SPOCK3: variants seen among roughly 807,000 people sequenced by gnomAD.
SPOCK3 encodes the protein testican-3.
In SPOCK3, 30 loss-of-function variants were observed where a neutral mutation model predicts 56.6. That is an observed-to-expected ratio of 0.53 (90% confidence interval 0.40 to 0.72). The LOEUF (loss-of-function observed/expected upper bound fraction) is 0.72. Ranked by LOEUF, SPOCK3 falls within the 30% of genes least tolerant of loss-of-function variation. SPOCK3 has a pLI of 0.00. For synonymous variants in SPOCK3, 196 were observed against 183.3 expected (o/e 1.07, Z -0.56); for missense variants, 527 against 530.0 (o/e 0.99, Z 0.06).
At chr4:166,898,309 G>A (rs899582715) in intron 5 of SPOCK3, among the ~76,000 whole-genome samples, 1 of 152,078 alleles carries the variant, frequency 6.6e-6, no homozygotes, top group Non-Finnish European at 1.5e-5. Context: ...GGGGAGGAAG[G>A]GTTGTTATCT....
intron 2 of SPOCK3, among the ~76,000 whole-genome samples, chr4:167,151,055 T>C (rs1467717573): frequency 1.3e-5 from 2 of 152,136 alleles, no homozygotes; most frequent in Non-Finnish European, 2.9e-5. Context: ...ATGACACATG[T>C]TGATGTTTAC....
At chr4:167,086,824 C>A (rs139460074) in intron 2 of SPOCK3, among the ~76,000 whole-genome samples, 1 of 152,028 alleles carries the variant, frequency 6.6e-6, no homozygotes, top group Non-Finnish European at 1.5e-5. Flanking sequence ...TTTAGCACAA[C>A]GCACAAAACA....
intron 2 of SPOCK3, among the ~76,000 whole-genome samples, chr4:167,112,279 TAG>T (rs1441242451): frequency 1.3e-5 from 2 of 152,228 alleles, no homozygotes; most frequent in African/African-American, 4.8e-5. Context: ...ACTTTAAAAA[TAG>T]AGCAAAGTGT....
At chr4:167,099,686 A>G (rs1759462145) in intron 2 of SPOCK3, among the ~76,000 whole-genome samples, 1 of 152,140 alleles carries the variant, frequency 6.6e-6, no homozygotes, top group Non-Finnish European at 1.5e-5. Flanking sequence ...CATAAGCAGT[A>G]GTTATTTAAA....
intron 2 of SPOCK3, among the ~76,000 whole-genome samples, chr4:167,222,523 A>ATG (rs1736038799): frequency 3.5e-5 from 5 of 143,512 alleles, no homozygotes; most frequent in African/African-American, 7.6e-5. Context: ...AATATATAAC[A>ATG]TGTATGTTAT....
At chr4:167,217,085 G>T (rs1451097924) in intron 2 of SPOCK3, among the ~76,000 whole-genome samples, 1 of 151,762 alleles carries the variant, frequency 6.6e-6, no homozygotes, top group East Asian at 1.9e-4. Flanking sequence ...GTTAAACACG[G>T]TGAAAAAAAA....
chr4:166,906,352 T>C (rs780291078), intron 5 of SPOCK3, among the ~76,000 whole-genome samples: 33 of 152,018 alleles, frequency 2.2e-4, no homozygotes, highest in Non-Finnish European at 4.6e-4. Context: ...AAATTTTGTG[T>C]AGAAACGGGT....
chr4:166,745,034 G>A (rs1036520544), intron 8 of SPOCK3, among the ~76,000 whole-genome samples: 3 of 152,140 alleles, frequency 2.0e-5, no homozygotes, highest in Admixed American at 1.3e-4. Context: ...AAAGTGATGG[G>A]GAGAATGGAA....
chr4:167,040,757 T>C (rs1168925703), intron 3 of SPOCK3, among the ~76,000 whole-genome samples: 2 of 152,188 alleles, frequency 1.3e-5, no homozygotes, highest in Non-Finnish European at 2.9e-5. Context: ...CATTCAAAGA[T>C]ACAATTATTA....
intron 2 of SPOCK3, among the ~76,000 whole-genome samples, chr4:167,073,291 A>G (rs956396091): frequency 6.6e-6 from 1 of 151,764 alleles, no homozygotes; most frequent in East Asian, 1.9e-4. Flanking sequence ...TGTTAAATGC[A>G]TGTCCGTCTG....
intron 6 of SPOCK3, among the ~76,000 whole-genome samples, chr4:166,862,443 TGA>T (rs1401320711): frequency 3.3e-5 from 5 of 152,098 alleles, no homozygotes; most frequent in African/African-American, 1.2e-4. Context: ...GACATGACAT[TGA>T]GAGAGTATAA....
intron 2 of SPOCK3, among the ~76,000 whole-genome samples, chr4:167,134,022 C>CTTT (rs34410893): frequency 1.5e-3 from 123 of 80,548 alleles, no homozygotes; most frequent in African/African-American, 2.5e-3. Flanking sequence ...ACACCTTTTT[C>CTTT]TTTTTTTTTT....
Position 167,140,788 on chromosome 4 carries a change from T to G in SPOCK3, c.190-78251A>C, listed in dbSNP as rs141854220. On this transcript the variant is annotated intron_variant, in intron 2 of 10. Coordinates refer to ENST00000357545, the MANE Select transcript of SPOCK3 (RefSeq NM_001040159.2). The stretch of plus-strand genomic sequence containing the variant: ...CAGCCCACGGTCTGTTCTTTGGGCT[T>G]ATTTATTTTCCCTGAAAATTGTTTG... 2.4e-3 allele frequency among the ~76,000 whole-genome samples: 360 copies of G among 152,010 alleles called. 4 individuals carry two copies. The highest frequency in any genetic ancestry group is 8.3e-3 in the African/African-American group (344 of 41,506).
chr4:166,884,770 T>C (rs1165503952), intron 6 of SPOCK3, among the ~76,000 whole-genome samples: 7 of 151,916 alleles, frequency 4.6e-5, no homozygotes, highest in Non-Finnish European at 1.0e-4. Context: ...CACACAGCAG[T>C]GAAGGACTGG....
At chr4:166,812,185 A>G (rs1300853334) in intron 6 of SPOCK3, among the ~76,000 whole-genome samples, 1 of 151,910 alleles carries the variant, frequency 6.6e-6, no homozygotes, top group Non-Finnish European at 1.5e-5. Flanking sequence ...TAATGAGCTT[A>G]GGACCTCACC....
At chr4:167,058,310 T>C (rs1580156406) in intron 3 of SPOCK3, among the ~76,000 whole-genome samples, 2 of 152,272 alleles carry the variant, frequency 1.3e-5, no homozygotes, top group African/African-American at 2.4e-5. Flanking sequence ...AGTCTCAGGA[T>C]ACAAAATCAA....
intron 3 of SPOCK3, among the ~76,000 whole-genome samples, chr4:167,001,021 A>G (rs1748903106): frequency 6.6e-6 from 1 of 152,210 alleles, no homozygotes; most frequent in Non-Finnish European, 1.5e-5. Context: ...TCATTTGTGC[A>G]TAATATTTGG....
At chr4:167,037,584 C>A (rs1369486349) in intron 3 of SPOCK3, among the ~76,000 whole-genome samples, 1 of 151,832 alleles carries the variant, frequency 6.6e-6, no homozygotes, top group African/African-American at 2.4e-5. Flanking sequence ...CATGACTGCC[C>A]AGATCAGCTC....
intron 5 of SPOCK3, among the ~76,000 whole-genome samples, chr4:166,889,656 T>C (rs761265632): frequency 3.3e-5 from 5 of 151,978 alleles, no homozygotes; most frequent in Admixed American, 6.6e-5. Flanking sequence ...CTTCTCTTAC[T>C]TATTGGACTC....
Sources: allele counts gnomAD v4.1 joint callset (sites outside exome capture counted in the v4.1 genomes callset), GRCh38; gene constraint gnomAD v4.1.1; transcripts MANE v1.5; gene names NCBI Gene and HGNC (gene_info 2026-07-23, HGNC 2026-07-21).